Variants in AGBL4 observed in about 807,000 individuals in gnomAD.
AGBL4 encodes cytosolic carboxypeptidase 6.
A neutral mutation model predicts 66.4 loss-of-function variants in AGBL4; 58 were observed. The observed-to-expected ratio is 0.87, with a 90% confidence interval of 0.71 to 1.09. The LOEUF is 1.09. Ranked by LOEUF, AGBL4 falls within the 50% of genes least tolerant of loss-of-function variation. The pLI, the probability that AGBL4 is intolerant of heterozygous loss-of-function variation, is 0.00. For synonymous variants in AGBL4, 234 were observed against 222.9 expected, an observed-to-expected ratio of 1.05 and a Z score of -0.44; for missense variants, 579 against 631.0, an observed-to-expected ratio of 0.92 and a Z score of 0.88.
At chr1:49,240,698 A>T (rs977165576) in intron 4 of AGBL4, among the ~76,000 whole-genome samples, 1 of 151,764 alleles carries the variant, frequency 6.6e-6, no homozygotes, top group African/African-American at 2.4e-5. Context: ...GAGAAATCAC[A>T]TCTTCTCCTA....
At chr1:49,675,524 C>T (rs1327965685) in intron 3 of AGBL4, among the ~76,000 whole-genome samples, 6 of 150,794 alleles carry the variant, frequency 4.0e-5, no homozygotes, top group Non-Finnish European at 7.4e-5. Flanking sequence ...ACTCATGTAA[C>T]AAATCTACAC....
chr1:48,958,991 C>T (rs1206911326), intron 5 of AGBL4, among the ~76,000 whole-genome samples: 1 of 152,190 alleles, frequency 6.6e-6, no homozygotes, highest in Admixed American at 6.5e-5. Flanking sequence ...TCCTTAAGGG[C>T]AGGGATTTCT....
At chr1:49,954,611 T>C (rs1656439485) in intron 1 of AGBL4, among the ~76,000 whole-genome samples, 1 of 152,026 alleles carries the variant, frequency 6.6e-6, no homozygotes, top group Non-Finnish European at 1.5e-5. Context: ...AGTATTCTGT[T>C]ATAGTAGCAA....
chr1:48,690,093 G>A (rs909152658), intron 6 of AGBL4, among the ~76,000 whole-genome samples: 9 of 152,346 alleles, frequency 5.9e-5, no homozygotes, highest in Admixed American at 2.6e-4. Flanking sequence ...CTGTTCCTGC[G>A]CCATGGAGCC....
chr1:49,337,907 A>G (rs2206320), intron 3 of AGBL4, among the ~76,000 whole-genome samples: 10,111 of 152,288 alleles, frequency 0.066, 1,050 homozygotes, highest in African/African-American at 0.22. Flanking sequence ...GAGCACCAAT[A>G]ATGCACCAAG....
intron 1 of AGBL4, among the ~76,000 whole-genome samples, chr1:49,860,570 A>C (rs1646544500): frequency 6.6e-6 from 1 of 152,124 alleles, no homozygotes. Context: ...GTGGTGGCAC[A>C]TGCCACTAGT....
intron 9 of AGBL4, among the ~76,000 whole-genome samples, chr1:48,620,861 CTTTT>C (rs1645401479): frequency 6.6e-6 from 1 of 151,996 alleles, no homozygotes; most frequent in South Asian, 2.1e-4. Flanking sequence ...CCTCACAACA[CTTTT>C]CTAAGAGATG....
In AGBL4 at chr1:49,540,221, CTT is replaced by C. The variant is rs574637139; in HGVS notation, c.282+157090_282+157091del. 1.4e-3 allele frequency among the ~76,000 whole-genome samples: 212 copies of C among 152,344 alleles called. 2 individuals carry two copies. The Middle Eastern group carries it at 0.017, about 12-fold the overall frequency. On this transcript the variant is annotated intron_variant, in intron 3 of 13. Coordinates refer to ENST00000371839, the MANE Select transcript of AGBL4 (RefSeq NM_032785.4). The stretch of plus-strand genomic sequence containing the variant: ...ATTCTCTCTTTACTCTCCCCATAAA[CTT>C]TACCTATGTTACAATTAGCCAATCT...
intron 5 of AGBL4, among the ~76,000 whole-genome samples, chr1:48,872,424 A>G (rs1648768638): frequency 6.6e-6 from 1 of 152,094 alleles, no homozygotes; most frequent in South Asian, 2.1e-4. Flanking sequence ...TTTGTTTCTA[A>G]TCTTTTTCTT....
At chr1:48,732,690 G>A (rs1245077076) in intron 6 of AGBL4, among the ~76,000 whole-genome samples, 1 of 152,134 alleles carries the variant, frequency 6.6e-6, no homozygotes, top group Non-Finnish European at 1.5e-5. Context: ...GGGAAGTGTG[G>A]TATAAGATGA....
At chr1:49,900,446 C>T (rs192166103) in intron 1 of AGBL4, among the ~76,000 whole-genome samples, 72 of 151,900 alleles carry the variant, frequency 4.7e-4, no homozygotes, top group African/African-American at 1.5e-3. Context: ...GGTTTCTCCA[C>T]GTTGGTCAGG....
At chr1:49,728,359 G>C (rs1215805521) in intron 2 of AGBL4, among the ~76,000 whole-genome samples, 1 of 152,168 alleles carries the variant, frequency 6.6e-6, no homozygotes, top group East Asian at 1.9e-4. Context: ...TTTAAGATGA[G>C]AAATAGACCT....
At chr1:49,498,056 T>G (rs1570878507) in intron 3 of AGBL4, among the ~76,000 whole-genome samples, 1 of 152,182 alleles carries the variant, frequency 6.6e-6, no homozygotes, top group Non-Finnish European at 1.5e-5. Flanking sequence ...GTCAGTGTTT[T>G]GTAATTTTCA....
chr1:49,109,153 C>A (rs1483113074), intron 4 of AGBL4, among the ~76,000 whole-genome samples: 8 of 152,176 alleles, frequency 5.3e-5, no homozygotes, highest in Non-Finnish European at 1.2e-4. Flanking sequence ...CAGCTGGGGA[C>A]AGATAGGAAT....
At chr1:49,016,653 G>A (rs143909517) in intron 5 of AGBL4, among the ~76,000 whole-genome samples, 20 of 152,290 alleles carry the variant, frequency 1.3e-4, no homozygotes, top group African/African-American at 3.8e-4. Context: ...AAGGCTGTCT[G>A]CCTAAAGATT....
chr1:49,207,786 C>A (rs1648357169), intron 4 of AGBL4, among the ~76,000 whole-genome samples: 1 of 151,114 alleles, frequency 6.6e-6, no homozygotes, highest in Non-Finnish European at 1.5e-5. Context: ...TGGTGTCTCC[C>A]TATGTTGCCC....
intron 1 of AGBL4, among the ~76,000 whole-genome samples, chr1:49,895,540 G>C (rs1210913913): frequency 6.6e-6 from 1 of 151,940 alleles, no homozygotes; most frequent in East Asian, 1.9e-4. Context: ...AGTACAATAA[G>C]ATATAGCTTT....
intron 3 of AGBL4, among the ~76,000 whole-genome samples, chr1:49,483,021 AGT>A (rs1479756078): frequency 6.6e-6 from 1 of 151,968 alleles, no homozygotes; most frequent in Non-Finnish European, 1.5e-5. Flanking sequence ...TTTGGTGAAG[AGT>A]GTTTTATTTC....
At chr1:49,718,178 T>A (rs1648309008) in intron 2 of AGBL4, among the ~76,000 whole-genome samples, 1 of 151,996 alleles carries the variant, frequency 6.6e-6, no homozygotes, top group Non-Finnish European at 1.5e-5. Flanking sequence ...TAAGGGAGGA[T>A]CTTTCATGAA....
Sources: gnomAD v4.1 joint callset for allele counts (sites outside exome capture counted in the v4.1 genomes callset) on GRCh38, gnomAD v4.1.1 for gene constraint, MANE v1.5 for transcripts, NCBI Gene and HGNC (gene_info 2026-07-23, HGNC 2026-07-21) for gene names.